Variants in C1GALT1 observed in about 807,000 individuals in gnomAD.
C1GALT1 encodes core 1 synthase, glycoprotein-N-acetylgalactosamine 3-beta-galactosyltransferase 1, also known as glycoprotein-N-acetylgalactosamine 3-beta-galactosyltransferase 1.
Under a neutral mutation model 31.0 loss-of-function variants are expected in C1GALT1, and 11 were observed. The ratio of observed to expected loss-of-function variants is 0.36; its 90% CI spans 0.22 to 0.59. The LOEUF (loss-of-function observed/expected upper bound fraction) is 0.59, where lower values mean the gene tolerates loss of function less well. Ranked by LOEUF, C1GALT1 falls within the 20% of genes least tolerant of loss-of-function variation. The pLI is 0.79. For synonymous variants in C1GALT1, 175 were observed against 143.6 expected, an observed-to-expected ratio of 1.22 and a Z score of -1.56; for missense variants, 424 against 425.2, an observed-to-expected ratio of 1.00 and a Z score of 0.03.
chr7:7,234,592 T>A (rs1783249739), intron 2 of C1GALT1, 53 bp downstream of exon 2: 1 of 1,354,030 alleles, frequency 7.4e-7, no homozygotes, highest in African/African-American at 1.5e-5. Context: ...AGTCTAAATT[T>A]TGTCATATTC....
intron 1 of C1GALT1, among the ~76,000 whole-genome samples, chr7:7,190,922 G>A (rs1330370716): frequency 1.3e-5 from 2 of 151,884 alleles, no homozygotes; most frequent in African/African-American, 4.8e-5. Flanking sequence ...AGGTTAATTC[G>A]GAGGAAATCA....
intron 1 of C1GALT1, among the ~76,000 whole-genome samples, chr7:7,229,325 T>C (rs1782953509): frequency 6.6e-6 from 1 of 152,150 alleles, no homozygotes; most frequent in African/African-American, 2.4e-5. Context: ...AGTGAGAGAA[T>C]CAGAGGATGT....
At chr7:7,200,464 A>G (rs192083219) in intron 1 of C1GALT1, among the ~76,000 whole-genome samples, 1 of 150,430 alleles carries the variant, frequency 6.6e-6, no homozygotes, top group Non-Finnish European at 1.5e-5. Context: ...CAGTCTGACA[A>G]TTATGTGTCT....
intron 1 of C1GALT1, among the ~76,000 whole-genome samples, chr7:7,224,939 T>C (rs1029273675): frequency 1.3e-5 from 2 of 152,136 alleles, no homozygotes; most frequent in Non-Finnish European, 2.9e-5. Flanking sequence ...AACCAATAGA[T>C]AGTTTTTCAG....
intron 1 of C1GALT1, among the ~76,000 whole-genome samples, chr7:7,222,881 CTGTA>C (rs1782569493): frequency 7.0e-6 from 1 of 141,922 alleles, no homozygotes; most frequent in African/African-American, 2.8e-5. Context: ...ATAATTCAAT[CTGTA>C]TGACAGGTAT....
At chr7:7,223,691 A>G (rs893907264) in intron 1 of C1GALT1, among the ~76,000 whole-genome samples, 1 of 152,174 alleles carries the variant, frequency 6.6e-6, no homozygotes, top group Non-Finnish European at 1.5e-5. Context: ...CACATTATCT[A>G]CAAATCTGCA....
upstream of C1GALT1, among the ~76,000 whole-genome samples, chr7:7,182,072 C>G (rs559026575): frequency 2.0e-5 from 3 of 152,272 alleles, no homozygotes; most frequent in South Asian, 6.2e-4. Context: ...ACATGATGAC[C>G]CAGCACCCGT....
At chr7:7,212,284 G>A (rs187351461) in intron 1 of C1GALT1, among the ~76,000 whole-genome samples, 115 of 151,890 alleles carry the variant, frequency 7.6e-4, no homozygotes, top group African/African-American at 2.7e-3. Flanking sequence ...GTGTAGACAA[G>A]GTATGATGCC....
chr7:7,166,543 T>G (rs1277214383), intron 2 of C1GALT1, among the ~76,000 whole-genome samples: 1 of 152,140 alleles, frequency 6.6e-6, no homozygotes, highest in Non-Finnish European at 1.5e-5. Context: ...AGGTGATAGA[T>G]ACATTCATTA....
At chr7:7,237,591 C>G (rs1783425001) in intron 2 of C1GALT1, among the ~76,000 whole-genome samples, 1 of 152,100 alleles carries the variant, frequency 6.6e-6, no homozygotes, top group African/African-American at 2.4e-5. Flanking sequence ...TACCATTGTT[C>G]TCTTCTGTTT....
chr7:7,167,660 A>G lies in C1GALT1; in HGVS notation c.-18+10234A>G, dbSNP rs139939026. Among the ~76,000 whole-genome samples, 375 of 152,112 alleles carry G rather than the reference A, an allele frequency of 2.5e-3. 8 individuals carry two copies. Among genetic ancestry groups the G allele is most frequent in the Admixed American group, 0.016 (249 of 15,262 alleles). The stretch of plus-strand genomic sequence containing the variant: ...AGAATCTGTGGTATGCTGACATCTT[A>G]TAAGATTGTCCTTGGACATTCCAAT... On this transcript the variant is annotated intron_variant, in intron 2 of 3. Coordinates refer to the C1GALT1 transcript ENST00000429911.
At chr7:7,226,435 G>GA (rs1439361897) in intron 1 of C1GALT1, among the ~76,000 whole-genome samples, 1 of 152,072 alleles carries the variant, frequency 6.6e-6, no homozygotes, top group Non-Finnish European at 1.5e-5. Flanking sequence ...CCGAAAGCCT[G>GA]AAAGGAAGAA....
At chr7:7,202,198 AG>A (rs1187383029) in intron 1 of C1GALT1, among the ~76,000 whole-genome samples, 1 of 152,154 alleles carries the variant, frequency 6.6e-6, no homozygotes, top group Non-Finnish European at 1.5e-5. Context: ...TGGCTGTCTC[AG>A]GGGACCAGCA....
At chr7:7,242,367 C>T (rs1783671432) in intron 3 of C1GALT1, among the ~76,000 whole-genome samples, 1 of 151,872 alleles carries the variant, frequency 6.6e-6, no homozygotes, top group African/African-American at 2.4e-5. Context: ...AGTAGGTTGT[C>T]TAAGAATCTA....
chr7:7,164,105 G>A (rs1400603013), intron 2 of C1GALT1, among the ~76,000 whole-genome samples: 1 of 152,068 alleles, frequency 6.6e-6, no homozygotes, highest in Non-Finnish European at 1.5e-5. Flanking sequence ...CATGGTACTG[G>A]TACCAGAACA....
chr7:7,175,179 C>G (rs1181228326), intron 2 of C1GALT1, among the ~76,000 whole-genome samples: 2 of 152,148 alleles, frequency 1.3e-5, no homozygotes. Context: ...ATGCCTGTCT[C>G]AAACTATTAT....
chr7:7,207,816 T>C (rs1396774626), intron 1 of C1GALT1, among the ~76,000 whole-genome samples: 2 of 151,702 alleles, frequency 1.3e-5, no homozygotes, highest in Admixed American at 1.3e-4. Context: ...TGTTGCAGTC[T>C]CTTTGCCAAA....
chr7:7,201,762 G>T (rs1036092802), intron 1 of C1GALT1, among the ~76,000 whole-genome samples: 1 of 152,144 alleles, frequency 6.6e-6, no homozygotes, highest in Non-Finnish European at 1.5e-5. Context: ...CCCCTCCCCC[G>T]AGGAAGTAAG....
chr7:7,222,919 C>T (rs1277041603), intron 1 of C1GALT1, among the ~76,000 whole-genome samples: 1 of 144,030 alleles, frequency 6.9e-6, no homozygotes, highest in Non-Finnish European at 1.5e-5. Context: ...TGGTTTTATG[C>T]TTGTGTGAAG....
Sources: allele counts gnomAD v4.1 joint callset (sites outside exome capture counted in the v4.1 genomes callset), GRCh38; gene constraint gnomAD v4.1.1; transcripts MANE v1.5; gene names NCBI Gene and HGNC (gene_info 2026-07-23, HGNC 2026-07-21).